Variants in BABAM2 observed in about 807,000 individuals in gnomAD.
BABAM2 encodes the protein BRISC and BRCA1-A complex member 2.
A neutral mutation model predicts 54.7 loss-of-function variants in BABAM2; 31 were observed. The ratio of observed to expected loss-of-function variants is 0.57; its 90% CI spans 0.43 to 0.77. BABAM2 has a LOEUF of 0.77. BABAM2 is among the 30% of genes least tolerant of loss of function. The probability of loss-of-function intolerance (pLI) is 0.00; values close to 1 mark genes in which losing one functional copy is unlikely to be tolerated. For missense variants in BABAM2, 364 were observed against 455.8 expected, an observed-to-expected ratio of 0.80 and a Z score of 1.83; for synonymous variants, 167 against 162.9, an observed-to-expected ratio of 1.03 and a Z score of -0.19.
intron 3 of BABAM2, among the ~76,000 whole-genome samples, chr2:27,949,623 T>G (rs1377533270): frequency 6.6e-6 from 1 of 152,142 alleles, no homozygotes; most frequent in Non-Finnish European, 1.5e-5. Flanking sequence ...TAATTGCTGA[T>G]AATCATACTC....
At chr2:27,997,982 G>A (rs1030982970) in intron 4 of BABAM2, among the ~76,000 whole-genome samples, 1 of 151,924 alleles carries the variant, frequency 6.6e-6, no homozygotes, top group Non-Finnish European at 1.5e-5. Flanking sequence ...GTGAAACCCC[G>A]TCTCTACTAA....
Position 28,142,024 on chromosome 2 carries a change from T to C in BABAM2, c.680+12644T>C, listed in dbSNP as rs979363257. Among the ~76,000 whole-genome samples the C allele has an allele frequency of 9.2e-5, 14 of 152,178 alleles. No individual in the cohort carries two copies. The South Asian group carries it at 2.9e-3, about 32-fold the overall frequency. ...GTAGGCAGTGACTAAGGCTCTTAAA[T>C]GTGTAAAATTCATATATGAAGTGGA... On this transcript the variant is annotated intron_variant, in intron 7 of 11. Coordinates refer to ENST00000379624, the MANE Select transcript of BABAM2 (RefSeq NM_199191.3).
intron 7 of BABAM2, among the ~76,000 whole-genome samples, chr2:28,225,887 T>C (rs1008607536): frequency 6.6e-6 from 1 of 151,684 alleles, no homozygotes; most frequent in African/African-American, 2.4e-5. Context: ...TCTAGGGGGG[T>C]GGGGTTTGCC....
At chr2:28,313,033 C>G (rs1211430445) in intron 11 of BABAM2, among the ~76,000 whole-genome samples, 1 of 152,190 alleles carries the variant, frequency 6.6e-6, no homozygotes, top group Non-Finnish European at 1.5e-5. Flanking sequence ...AGGAGCAGCA[C>G]AGAATCATCA....
chr2:28,009,554 T>C (rs1011145180), intron 4 of BABAM2, among the ~76,000 whole-genome samples: 1 of 152,126 alleles, frequency 6.6e-6, no homozygotes, highest in Non-Finnish European at 1.5e-5. Flanking sequence ...GGAGAGAGTA[T>C]GTCTTCATGA....
intron 10 of BABAM2, among the ~76,000 whole-genome samples, chr2:28,293,287 G>A (rs529076119): frequency 7.2e-5 from 11 of 152,282 alleles, no homozygotes; most frequent in African/African-American, 2.4e-4. Context: ...TTGTTGAGGT[G>A]TTTGGAGAAG....
chr2:28,314,811 G>A (rs1233897818), intron 11 of BABAM2, among the ~76,000 whole-genome samples: 2 of 152,022 alleles, frequency 1.3e-5, no homozygotes, highest in African/African-American at 4.8e-5. Flanking sequence ...GCTGAAATTG[G>A]AGGCTGGGTA....
In BABAM2 at chr2:28,338,568, G is replaced by C; in HGVS notation, c.*55G>C. ...AGACTGCCTGTCCACATGCGTGTCA[G>C]CACATACAGCCGCTTCCTGGAAGCC... On this transcript the variant is annotated 3_prime_UTR_variant, in exon 12 of 12. Coordinates refer to ENST00000379624, the MANE Select transcript of BABAM2 (RefSeq NM_199191.3). 1 of 1,591,050 alleles carries C rather than the reference G, an allele frequency of 6.3e-7. No homozygotes were observed. Among genetic ancestry groups the C allele is most frequent in the South Asian group, 1.1e-5 (1 of 90,430 alleles).
At chr2:27,979,032 C>CT (rs35403760) in intron 3 of BABAM2, among the ~76,000 whole-genome samples, 137,159 of 139,888 alleles carry the variant, frequency 0.98, 67,285 homozygotes, top group East Asian at 1. Context: ...TTCTTTTTTT[C>CT]TTTTTTTTTT....
chr2:28,315,513 G>A (rs1371228064), intron 11 of BABAM2, among the ~76,000 whole-genome samples: 2 of 147,598 alleles, frequency 1.4e-5, no homozygotes, highest in Non-Finnish European at 1.5e-5. Context: ...CTGTTGCCAG[G>A]CTGGAGTACA....
intron 6 of BABAM2, among the ~76,000 whole-genome samples, chr2:28,069,594 G>A (rs911673865): frequency 3.3e-5 from 5 of 152,058 alleles, no homozygotes; most frequent in African/African-American, 1.2e-4. Context: ...TGCTACTTTC[G>A]AGCAGGATTG....
intron 8 of BABAM2, among the ~76,000 whole-genome samples, chr2:28,237,853 T>C (rs1236231089): frequency 6.6e-6 from 1 of 151,968 alleles, no homozygotes; most frequent in Non-Finnish European, 1.5e-5. Context: ...AGCTGGTCTT[T>C]TTATTTTTAT....
At position 28,317,420 on chromosome 2, in the gene BABAM2, C is replaced by T. The variant is rs554768835; in HGVS notation, c.1088+18929C>T. On this transcript the variant is annotated intron_variant, in intron 11 of 11. Coordinates refer to ENST00000379624, the MANE Select transcript of BABAM2 (RefSeq NM_199191.3). ...CCAGACTAGAAAAATTATCTGGCTG[C>T]CAGAGAGTTCTTAGAGGAATCACTT... is the stretch of plus-strand genomic sequence containing the variant. 1.2e-3 allele frequency among the ~76,000 whole-genome samples: 178 copies of T among 152,282 alleles called. 5 individuals are homozygous for T. In the South Asian group the frequency reaches 0.037, roughly 32 times the overall value.
At chr2:28,176,142 A>G (rs1405949823) in intron 7 of BABAM2, among the ~76,000 whole-genome samples, 1 of 152,234 alleles carries the variant, frequency 6.6e-6, no homozygotes, top group Admixed American at 6.5e-5. Flanking sequence ...GCAGATATCA[A>G]CGTAAAGACA....
At chr2:28,038,366 G>A (rs901657641) in intron 5 of BABAM2, among the ~76,000 whole-genome samples, 15 of 152,172 alleles carry the variant, frequency 9.9e-5, no homozygotes, top group African/African-American at 3.4e-4. Context: ...TTTATCACAG[G>A]TTATAATTTA....
intron 10 of BABAM2, among the ~76,000 whole-genome samples, chr2:28,284,262 A>G (rs1234607908): frequency 1.3e-5 from 2 of 152,314 alleles, no homozygotes; most frequent in Admixed American, 6.5e-5. Context: ...TGTCCCACCC[A>G]TGCTCATAGA....
At chr2:28,277,692 CA>C (rs1159506296) in intron 10 of BABAM2, among the ~76,000 whole-genome samples, 1 of 152,162 alleles carries the variant, frequency 6.6e-6, no homozygotes, top group Non-Finnish European at 1.5e-5. Context: ...GCACTATTAC[CA>C]AGAGCGTTCG....
intron 7 of BABAM2, among the ~76,000 whole-genome samples, chr2:28,187,626 A>C (rs1676453184): frequency 6.6e-6 from 1 of 150,420 alleles, no homozygotes; most frequent in Non-Finnish European, 1.5e-5. Flanking sequence ...CATACACAAT[A>C]TAGTCATTAC....
At chr2:28,285,196 A>G (rs1686689140) in intron 10 of BABAM2, among the ~76,000 whole-genome samples, 1 of 152,046 alleles carries the variant, frequency 6.6e-6, no homozygotes, top group East Asian at 1.9e-4. Context: ...TTCATTTCCA[A>G]CCCTGAGCTT....
Sources: allele counts gnomAD v4.1 joint callset (sites outside exome capture counted in the v4.1 genomes callset), GRCh38; gene constraint gnomAD v4.1.1; transcripts MANE v1.5; gene names NCBI Gene and HGNC (gene_info 2026-07-23, HGNC 2026-07-21).